CSF1R: variants seen among roughly 807,000 people sequenced by gnomAD.
CSF1R encodes the protein macrophage colony-stimulating factor 1 receptor.
CSF1R carries 40 observed loss-of-function variants against 110.0 expected under a neutral mutation model. The observed-to-expected ratio is 0.36, with a 90% CI of 0.28 to 0.47. The LOEUF (loss-of-function observed/expected upper bound fraction) is 0.47. Ranked by LOEUF, CSF1R falls within the 20% of genes least tolerant of loss-of-function variation. The pLI is 0.99. For missense variants in CSF1R, 1,052 were observed against 1,253.0 expected, an observed-to-expected ratio of 0.84 and a Z score of 2.42; for synonymous variants, 523 against 503.4, an observed-to-expected ratio of 1.04 and a Z score of -0.52.
intron 3 of CSF1R, among the ~76,000 whole-genome samples, chr5:150,079,332 T>G (rs933184): frequency 1.3e-5 from 2 of 152,322 alleles, no homozygotes; most frequent in Middle Eastern, 3.4e-3. Context: ...CCCTGGCCCT[T>G]GTTACAGGGA....
Position 150,061,723 on chromosome 5 carries a change from C to A in CSF1R, c.1753G>T (p.Gly585Cys). 1 of 1,614,238 alleles carries A rather than the reference C, an allele frequency of 6.2e-7. No homozygotes were observed. Among genetic ancestry groups the A allele is most frequent in the Non-Finnish European group, 8.5e-7 (1 of 1,180,044 alleles). Residue 585 changes from glycine to cysteine, a missense_variant and splice_region_variant, in exon 11 of 21, where the codon GGT becomes TGT. Physicochemically the swap from Gly to Cys is radical, Grantham distance 159 (BLOSUM62 -3). This residue lies in a region of CSF1R where 76 missense variants were observed against 133.6 expected (regional missense o/e 0.57). Coordinates refer to ENST00000675795, the MANE Select transcript of CSF1R (RefSeq NM_001288705.3). Reference sequence around the variant, plus strand: ...GTGGAGTGATGAGCTGCCATCTCACCAAACTGCAGGTTGTTCCGGGGGAAC... The same window carrying A: ...GTGGAGTGATGAGCTGCCATCTCACAAAACTGCAGGTTGTTCCGGGGGAAC... ...WEFPRNNLQF[G>C]KTLGAGAFGK...
chr5:150,092,595 T>C (rs140565053), intron 1 of CSF1R, among the ~76,000 whole-genome samples: 117 of 152,240 alleles, frequency 7.7e-4, no homozygotes, highest in African/African-American at 2.7e-3. Context: ...AGGAGCAGAA[T>C]CACATCCAAC....
intron 4 of CSF1R, among the ~76,000 whole-genome samples, 179 bp from the exon 5 acceptor site, chr5:150,077,614 G>T (rs533358717): frequency 6.6e-6 from 1 of 152,280 alleles, no homozygotes; most frequent in South Asian, 2.1e-4. Context: ...GAGTAAATGA[G>T]ATATGCATGC....
rs150668652 is a variant in CSF1R, at chr5:150,059,781, C to T, written c.2051G>A (p.Gly684Glu). 6.2e-7 allele frequency: 1 copy of T among 1,614,190 alleles called. No homozygotes were observed. The highest frequency in any genetic ancestry group is 8.5e-7 in the Non-Finnish European group (1 of 1,180,040). Reference sequence around the variant, plus strand: ...GTCCTGGCCGGGGCTCAGGCTGGGTCCCAGCATGGCCTCAGCCTTCCTTCG... The same window carrying T: ...GTCCTGGCCGGGGCTCAGGCTGGGTTCCAGCATGGCCTCAGCCTTCCTTCG... ...FLRRKAEAML[G>E]PSLSPGQDPE... Residue 684 changes from glycine (G) to glutamate (E), a missense_variant, in exon 14 of 21, where the codon GGA (glycine) becomes GAA (glutamate). Gly to Glu is a moderately conservative substitution (Grantham distance 98, BLOSUM62 -2). This residue lies in a region of CSF1R where 124 missense variants were observed against 117.7 expected (regional missense o/e 1.05). Coordinates refer to ENST00000675795, the MANE Select transcript of CSF1R (RefSeq NM_001288705.3).
chr5:150,055,683 C>G (rs1057034834), intron 18 of CSF1R, among the ~76,000 whole-genome samples: 4 of 152,174 alleles, frequency 2.6e-5, no homozygotes, highest in African/African-American at 9.7e-5. Flanking sequence ...GCCTAGTCCT[C>G]GGGAAATAGC....
At position 150,061,820 on chromosome 5, in the gene CSF1R, G is replaced by C; in HGVS notation, c.1656C>G (p.Ile552Met). Residue 552 changes from isoleucine (I) to methionine (M), a missense_variant, in exon 11 of 21, where the codon ATC becomes ATG. Transcript: ENST00000675795. Reference sequence around the variant, plus strand: ...AACTGTTGCCCTCATAGCTCTCGATGATCTTCCAGCGGACCTGGTACTTGG... The same window carrying C: ...AACTGTTGCCCTCATAGCTCTCGATCATCTTCCAGCGGACCTGGTACTTGG... ...QKPKYQVRWK[I>M]IESYEGNSYT... The C allele has an allele frequency of 6.2e-7, 1 of 1,614,234 alleles. No individual in the cohort carries two copies. Among genetic ancestry groups the C allele is most frequent in the Non-Finnish European group, 8.5e-7 (1 of 1,180,044 alleles).
chr5:150,093,839 AGGTCACCTGAG>A (rs1759122746), intron 1 of CSF1R, among the ~76,000 whole-genome samples: 2 of 152,146 alleles, frequency 1.3e-5, no homozygotes, highest in African/African-American at 4.8e-5. Flanking sequence ...CAAGGTGGGC[AGGTCACCTGAG>A]GTCAGGAGTT....
chr5:150,087,340 AG>A (rs1239370124), upstream of CSF1R, among the ~76,000 whole-genome samples: 4 of 152,340 alleles, frequency 2.6e-5, no homozygotes, highest in African/African-American at 9.6e-5. Context: ...TTCCTTTTAC[AG>A]GACATTTACT....
Position 150,069,921 on chromosome 5 carries a change from G to A in CSF1R, c.1462C>T (p.His488Tyr), listed in dbSNP as rs1561924489. Residue 488 changes from histidine to tyrosine, a missense_variant, in exon 9 of 21, where the codon CAC (histidine) becomes TAC (tyrosine). By Grantham distance (83) the His-to-Tyr change is moderately conservative. This residue lies in a region of CSF1R where 693 missense variants were observed against 735.4 expected (regional missense o/e 0.94). Transcript: ENST00000675795. ...EHNQTYECRA[H>Y]NSVGSGSWAF... Reference sequence around the variant, plus strand: ...CAGGAGCCACTCCCCACGCTGTTGTGGGCCCTGCACTCGTAGGTTTGGTTG... The same window carrying A: ...CAGGAGCCACTCCCCACGCTGTTGTAGGCCCTGCACTCGTAGGTTTGGTTG... 6.2e-7 allele frequency: 1 copy of A among 1,614,040 alleles called. No homozygotes were observed. The highest frequency in any genetic ancestry group is 2.2e-5 in the East Asian group (1 of 44,876).
At chr5:150,106,104 T>C (rs1325971418) in intron 1 of CSF1R, among the ~76,000 whole-genome samples, 3 of 152,124 alleles carry the variant, frequency 2.0e-5, no homozygotes, top group Non-Finnish European at 2.9e-5. Flanking sequence ...CAGCAGTGGG[T>C]GTGCTGACCG....
chr5:150,101,588 C>T (rs955958460), intron 1 of CSF1R, among the ~76,000 whole-genome samples: 21 of 151,854 alleles, frequency 1.4e-4, no homozygotes, highest in Admixed American at 1.4e-3. Context: ...TGCCACCAGC[C>T]GTCACGGGAC....
chr5:150,055,231 G>T lies in CSF1R; in HGVS notation c.2654+6C>A, dbSNP rs200924654. ...CCTTTTCCCTCCCTGGGATCCCTTCGCTTACATATTCTTTGGGGCAAATGC... is the reference window on the plus strand; with the variant it reads ...CCTTTTCCCTCCCTGGGATCCCTTCTCTTACATATTCTTTGGGGCAAATGC... On this transcript the variant is annotated splice_donor_region_variant and intron_variant, in intron 19 of 20. Transcript: ENST00000675795. 3.1e-6 allele frequency: 5 copies of T among 1,612,874 alleles called. No individual in the cohort carries two copies. The highest frequency in any genetic ancestry group is 4.2e-6 in the Non-Finnish European group (5 of 1,179,054).
chr5:150,104,024 G>A (rs1246126437), intron 1 of CSF1R, among the ~76,000 whole-genome samples: 1 of 151,954 alleles, frequency 6.6e-6, no homozygotes, highest in Non-Finnish European at 1.5e-5. Flanking sequence ...CTGACTTAGG[G>A]GTGGGAGGGG....
Position 150,053,685 on chromosome 5 carries a change from A to G in CSF1R, c.*384T>C, listed in dbSNP as rs990934351. On this transcript the variant is annotated 3_prime_UTR_variant, in exon 21 of 21. Coordinates refer to ENST00000675795, the MANE Select transcript of CSF1R (RefSeq NM_001288705.3). ...CTCTCTGCCAGTCTGTCTAGCCCCA[A>G]AGAGCCTGGTTTTCTCAGTATCAGT... is the stretch of plus-strand genomic sequence containing the variant. 3.0e-5 allele frequency: 10 copies of G among 338,490 alleles called. No individual in the cohort carries two copies. The highest frequency in any genetic ancestry group is 5.1e-5 in the East Asian group (1 of 19,438). The allele number at this position is 338,490 out of a possible 1,614,324, so 21.0% of individuals were successfully genotyped here. A position where few individuals can be genotyped will look rare whatever the true frequency, so the allele number is the denominator to read the frequency against.
intron 1 of CSF1R, among the ~76,000 whole-genome samples, chr5:150,102,449 C>CA (rs1759432233): frequency 1.3e-5 from 2 of 151,962 alleles, no homozygotes; most frequent in African/African-American, 4.8e-5. Flanking sequence ...ATCCTTTGTC[C>CA]GTTTTTTTGT....
rs757795589 is a variant in CSF1R at position 150,081,013 on chromosome 5, G to T, written c.61C>A (p.Pro21Thr). ...VATAWHGQGI[P>T]VIEPSVPELV... is the part of the protein sequence containing the mutation. ...TCAGGGACACTGGGCTCTATCACTG[G>T]GATTCCCTGACCTGGTGGGAGAGAG... is the stretch of plus-strand genomic sequence containing the variant. The change falls in exon 2 of 21, where the codon CCA (proline) becomes ACA (threonine). Residue 21 changes from proline (P) to threonine (T), a missense_variant. Around this residue, in one of 5 missense-constraint regions of CSF1R, gnomAD observed 693 missense variants for 735.4 expected, o/e 0.94. Transcript: ENST00000675795. The T allele has an allele frequency of 1.9e-6, 3 of 1,613,754 alleles. No individual in the cohort carries two copies. The African/African-American group carries it at 4.0e-5, about 22-fold the overall frequency.
At chr5:150,055,212 C>T (rs1052048443) in intron 19 of CSF1R, 25 bp downstream of exon 19, 50 of 1,604,808 alleles carry the variant, frequency 3.1e-5, no homozygotes, top group East Asian at 2.5e-4. Flanking sequence ...GTGTCCTTTT[C>T]CCTCCCTGGG....
At chr5:150,054,287 T>C in intron 20 of CSF1R, 35 bp downstream of exon 20, 1 of 1,614,016 alleles carries the variant, frequency 6.2e-7, no homozygotes, top group Admixed American at 1.7e-5. Flanking sequence ...CAACGTGCTT[T>C]ACCGGCCACC....
chr5:150,112,242 C>CA (rs55935163), intron 1 of CSF1R, among the ~76,000 whole-genome samples: 131,019 of 152,210 alleles, frequency 0.86, 57,037 homozygotes, highest in Non-Finnish European at 0.93. Flanking sequence ...AAAACAAAAA[C>CA]AAACAAAACA....
Sources: gnomAD v4.1 joint callset for allele counts (sites outside exome capture counted in the v4.1 genomes callset) on GRCh38, gnomAD v4.1.1 for gene constraint, gnomAD v4.1.1 regional missense constraint, MANE v1.5 for transcripts, NCBI Gene and HGNC (gene_info 2026-07-23, HGNC 2026-07-21) for gene names.